GPATCH8: variants seen among roughly 807,000 people sequenced by gnomAD.
GPATCH8 encodes the protein G patch domain-containing protein 8.
A neutral mutation model predicts 118.3 loss-of-function variants in GPATCH8; 18 were observed. That is an observed-to-expected ratio of 0.15 (90% CI 0.11 to 0.23). The LOEUF (loss-of-function observed/expected upper bound fraction) is 0.23, where lower values mean the gene tolerates loss of function less well. Among genes scored for constraint, GPATCH8 ranks in the 10% least tolerant of loss-of-function variants. The pLI is 1.00. For missense variants in GPATCH8, 1,631 were observed against 1,873.8 expected (o/e 0.87, Z 2.39); for synonymous variants, 659 against 684.7 (o/e 0.96, Z 0.59).
intron 6 of GPATCH8, among the ~76,000 whole-genome samples, chr17:44,414,131 A>ATATATATATATGTGTATATATATGTG (rs1567955652): frequency 1.0e-3 from 27 of 26,592 alleles, no homozygotes; most frequent in South Asian, 1.7e-3. Context: ...ATATATGTGT[A>ATATATATATATGTGTATATATATGTG]TATATATATA....
intron 7 of GPATCH8, among the ~76,000 whole-genome samples, chr17:44,403,868 A>G (rs2049120554): frequency 6.9e-6 from 1 of 144,954 alleles, no homozygotes; most frequent in Non-Finnish European, 1.5e-5. Flanking sequence ...TAATTTTTGT[A>G]TTTTTAGTAG....
chr17:44,488,911 A>AC (rs921754658), intron 1 of GPATCH8, among the ~76,000 whole-genome samples: 10 of 150,894 alleles, frequency 6.6e-5, no homozygotes, highest in African/African-American at 2.4e-4. Context: ...ACATGGTGAA[A>AC]CCCCATCTCT....
In GPATCH8 at chr17:44,399,379, TGTCACTGTA is replaced by T; in HGVS notation, c.2689_2697del (p.Tyr897_Asp899del). 1.2e-6 allele frequency: 2 copies of T among 1,614,142 alleles called. No homozygotes were observed. The highest frequency in any genetic ancestry group is 8.5e-7 in the Non-Finnish European group (1 of 1,179,956). Reference sequence around the variant, plus strand: ...GAGCGCTTGGAGTGCCTTCGTGATCTGTCACTGTAGTCACTGTAGCTGTCATCAGAGTAA... The same window carrying T: ...GAGCGCTTGGAGTGCCTTCGTGATCTGTCACTGTAGCTGTCATCAGAGTAA... On this transcript the variant is annotated inframe_deletion, in exon 8 of 8. Transcript: ENST00000591680.
intron 2 of GPATCH8, among the ~76,000 whole-genome samples, chr17:44,471,020 C>G (rs1598584199): frequency 6.6e-6 from 1 of 152,156 alleles, no homozygotes; most frequent in South Asian, 2.1e-4. Context: ...AATTCAAATT[C>G]AAAGCTTCTC....
At position 44,489,012 on chromosome 17, in the gene GPATCH8, T is replaced by C. The variant is rs528890369; in HGVS notation, c.46-14109A>G. Among the ~76,000 whole-genome samples, 3 of 151,498 alleles carry C rather than the reference T, an allele frequency of 2.0e-5. No homozygotes were observed. The East Asian group carries it at 6.0e-4, about 30-fold the overall frequency. On this transcript the variant is annotated intron_variant, in intron 1 of 7. Transcript: ENST00000591680. The stretch of plus-strand genomic sequence containing the variant: ...AGGCAGAGGTTGCAGTGAGCCAAGA[T>C]TGCCCCATTGCACTCCAGTCTGAGG...
intron 3 of GPATCH8, among the ~76,000 whole-genome samples, chr17:44,449,488 C>T (rs1413969970): frequency 1.3e-5 from 2 of 151,794 alleles, no homozygotes; most frequent in Non-Finnish European, 2.9e-5. Flanking sequence ...CAGGCGTGAG[C>T]CCCTGCACTC....
At chr17:44,482,435 G>T (rs1968328290) in intron 1 of GPATCH8, among the ~76,000 whole-genome samples, 1 of 151,638 alleles carries the variant, frequency 6.6e-6, no homozygotes, top group African/African-American at 2.4e-5. Context: ...TTAGCCGGGT[G>T]TGGTGGCGGG....
chr17:44,399,283 C>T lies in GPATCH8; in HGVS notation c.2794G>A (p.Asp932Asn), dbSNP rs150767208. 182 of 1,613,936 alleles carry T rather than the reference C, an allele frequency of 1.1e-4. No homozygotes were observed. Among genetic ancestry groups the T allele is most frequent in the Non-Finnish European group, 1.5e-4 (177 of 1,179,944 alleles). ...RSKRHKYSSS[D>N]DDYSLSCSQS... ...CTGCAACTGAGGCTATAGTCATCAT[C>T]AGAAGATGAATATTTGTGCCGTTTT... Residue 932 changes from aspartate (D) to asparagine (N), a missense_variant, in exon 8 of 8, where the codon GAT becomes AAT. By Grantham distance (23) the Asp-to-Asn change is conservative (BLOSUM62 1). Coordinates refer to ENST00000591680, the MANE Select transcript of GPATCH8 (RefSeq NM_001002909.4).
At chr17:44,437,945 G>GAAAAAAAAA (rs752307910) in intron 3 of GPATCH8, among the ~76,000 whole-genome samples, 1 of 63,690 alleles carries the variant, frequency 1.6e-5, no homozygotes, top group African/African-American at 4.6e-5. Flanking sequence ...TCTCATGTCA[G>GAAAAAAAAA]AAAAAAAAAA....
rs1253144219 is a variant in GPATCH8, at chr17:44,396,474, T to C, written c.*1094A>G. 2.2e-6 allele frequency: 1 copy of C among 454,308 alleles called. No homozygotes were observed. Among genetic ancestry groups the C allele is most frequent in the East Asian group, 6.9e-5 (1 of 14,396 alleles). The allele number at this position is 454,308 out of a possible 1,614,324, so 28.1% of individuals were successfully genotyped here. On this transcript the variant is annotated 3_prime_UTR_variant, in exon 8 of 8. Coordinates refer to ENST00000591680, the MANE Select transcript of GPATCH8 (RefSeq NM_001002909.4). ...CTTAACATTTTGTCCCAGCAAAAAA[T>C]GTTTTAACATTTTATAGTTCATAAC... is the stretch of plus-strand genomic sequence containing the variant.
rs750264127 is a variant in GPATCH8, at chr17:44,397,910, G to A, written c.4167C>T (p.Ala1389=). The change falls in exon 8 of 8, where the codon GCC becomes GCT. Residue 1389 remains alanine (A), a synonymous_variant. Coordinates refer to ENST00000591680, the MANE Select transcript of GPATCH8 (RefSeq NM_001002909.4). ...GGGGGTGAGGGTGAATGCCGATGGCGGCAGCAGCTGCGGCAGCATGATGTT... is the reference window on the plus strand; with the variant it reads ...GGGGGTGAGGGTGAATGCCGATGGCAGCAGCAGCTGCGGCAGCATGATGTT... ...ILQHHAAAAA[A]AIGIHPHPHP... is the part of the protein sequence containing the mutation. 8.7e-6 allele frequency: 14 copies of A among 1,612,002 alleles called. No individual in the cohort carries two copies. Among genetic ancestry groups the A allele is most frequent in the Admixed American group, 5.0e-5 (3 of 59,998 alleles).
chr17:44,497,474 G>A (rs1169312584), intron 1 of GPATCH8, among the ~76,000 whole-genome samples: 1 of 151,870 alleles, frequency 6.6e-6, no homozygotes, highest in African/African-American at 2.4e-5. Flanking sequence ...TGTAGCCCCA[G>A]GTACTCAGGA....
At chr17:44,471,705 T>C (rs988883598) in intron 2 of GPATCH8, among the ~76,000 whole-genome samples, 1 of 152,162 alleles carries the variant, frequency 6.6e-6, no homozygotes, top group Non-Finnish European at 1.5e-5. Context: ...CAGCTTAATA[T>C]AGCCAGCCAG....
At chr17:44,452,429 G>A (rs2051152412) in intron 3 of GPATCH8, among the ~76,000 whole-genome samples, 1 of 152,014 alleles carries the variant, frequency 6.6e-6, no homozygotes, top group African/African-American at 2.4e-5. Flanking sequence ...CTTAATAAAT[G>A]ATGGCTATTA....
intron 2 of GPATCH8, among the ~76,000 whole-genome samples, chr17:44,469,615 A>G (rs115256476): frequency 0.012 from 1,857 of 152,304 alleles, 33 homozygotes; most frequent in African/African-American, 0.037. Flanking sequence ...CAACAGTGAC[A>G]AAATAGTAAG....
chr17:44,438,881 T>C (rs1022178570), intron 3 of GPATCH8, among the ~76,000 whole-genome samples: 1 of 152,170 alleles, frequency 6.6e-6, no homozygotes, highest in South Asian at 2.1e-4. Context: ...GCTGTTTTCA[T>C]ACTGGTCAGA....
chr17:44,440,499 T>C (rs953483323), intron 3 of GPATCH8, among the ~76,000 whole-genome samples: 13 of 152,276 alleles, frequency 8.5e-5, no homozygotes, highest in African/African-American at 3.1e-4. Flanking sequence ...CCTCCACCTT[T>C]CAGGCTCAAG....
intron 6 of GPATCH8, chr17:44,409,313 G>C (rs1023510874): frequency 6.6e-6 from 1 of 152,250 alleles, no homozygotes; most frequent in African/African-American, 2.4e-5. Context: ...CCCAGCCTCA[G>C]CCTCCCAAGA....
Position 44,401,370 on chromosome 17 carries a change from G to A in GPATCH8, c.707C>T (p.Ala236Val). 1 of 1,612,632 alleles carries A rather than the reference G, an allele frequency of 6.2e-7. No homozygotes were observed. Among genetic ancestry groups the A allele is most frequent in the Non-Finnish European group, 8.5e-7 (1 of 1,178,962 alleles). Residue 236 changes from alanine (A) to valine (V), a missense_variant, in exon 8 of 8, where the codon GCT becomes GTT. Around this residue, in one of 8 missense-constraint regions of GPATCH8, gnomAD observed 405 missense variants for 462.7 expected, o/e 0.88. Transcript: ENST00000591680. ...AGTGGCACCTGTGCCACTATTTGTAGCTGATTCATCTTTATCATCTTCTCC... is the reference window on the plus strand; with the variant it reads ...AGTGGCACCTGTGCCACTATTTGTAACTGATTCATCTTTATCATCTTCTCC... The part of the protein sequence containing the change: ...EGGEDDKDES[A>V]TNSGTGATAS...
Sources: gnomAD v4.1 joint callset for allele counts (sites outside exome capture counted in the v4.1 genomes callset) on GRCh38, gnomAD v4.1.1 for gene constraint, gnomAD v4.1.1 regional missense constraint, MANE v1.5 for transcripts, NCBI Gene and HGNC (gene_info 2026-07-23, HGNC 2026-07-21) for gene names.